PARP8: variants seen among roughly 807,000 people sequenced by gnomAD.
The protein encoded by PARP8 is protein mono-ADP-ribosyltransferase PARP8.
Under a neutral mutation model 124.1 loss-of-function variants are expected in PARP8, and 51 were observed. The observed-to-expected ratio is 0.41, with a 90% confidence interval of 0.33 to 0.52. PARP8 has a LOEUF of 0.52. Among genes scored for constraint, PARP8 ranks in the 20% least tolerant of loss-of-function variants. PARP8 has a pLI of 0.21. For synonymous variants in PARP8, 391 were observed against 361.5 expected, an observed-to-expected ratio of 1.08 and a Z score of -0.93; for missense variants, 860 against 1,018.9, an observed-to-expected ratio of 0.84 and a Z score of 2.12.
At chr5:50,770,999 T>C (rs1761568320) in intron 7 of PARP8, among the ~76,000 whole-genome samples, 2 of 152,004 alleles carry the variant, frequency 1.3e-5, no homozygotes, top group Middle Eastern at 3.2e-3. Context: ...TTTTAAAAAT[T>C]AATTCCTATG....
intron 25 of PARP8, among the ~76,000 whole-genome samples, chr5:50,836,585 G>T (rs1345114629): frequency 1.3e-5 from 2 of 152,094 alleles, no homozygotes; most frequent in Non-Finnish European, 2.9e-5. Context: ...AGCTTATTGA[G>T]AAAGTCCTTA....
chr5:50,699,835 C>T (rs1307606817), intron 2 of PARP8, among the ~76,000 whole-genome samples: 2 of 152,034 alleles, frequency 1.3e-5, no homozygotes, highest in African/African-American at 4.8e-5. Flanking sequence ...GTATCAGTAT[C>T]AAGTTGCTAG....
At chr5:50,716,674 A>G (rs1755351674) in intron 2 of PARP8, among the ~76,000 whole-genome samples, 1 of 152,082 alleles carries the variant, frequency 6.6e-6, no homozygotes. Context: ...TTAGTCCAAA[A>G]CAGTGGCCTG....
At chr5:50,835,371 T>A (rs1580511261) in intron 25 of PARP8, among the ~76,000 whole-genome samples, 1 of 151,910 alleles carries the variant, frequency 6.6e-6, no homozygotes, top group African/African-American at 2.4e-5. Context: ...GGTGAAACGC[T>A]ATCTCTACTA....
intron 2 of PARP8, among the ~76,000 whole-genome samples, chr5:50,709,955 T>TAATACAC: frequency 9.7e-6 from 1 of 103,324 alleles, no homozygotes; most frequent in East Asian, 3.1e-4. Flanking sequence ...TATATATATA[T>TAATACAC]ACACATACAT....
rs1758667851 is a variant in PARP8, at chr5:50,747,167, T to TTG, written c.147-2983_147-2982insGT. Among the ~76,000 whole-genome samples, 3 of 143,252 alleles carry TTG rather than the reference T, an allele frequency of 2.1e-5. 1 individual carries two copies. Among genetic ancestry groups the TTG allele is most frequent in the African/African-American group, 5.2e-5 (2 of 38,362 alleles). The allele number at this position is 143,252 out of a possible 152,430, so 94.0% of individuals were successfully genotyped here. On this transcript the variant is annotated intron_variant, in intron 2 of 25. Transcript: ENST00000281631. ...TTTTTTTTGTTTGTTTGTTTTGTTT[T>TTG]TTTTTTTTTTTTTGTCTCTTCCTAA...
chr5:50,844,896 AG>A lies in PARP8; in HGVS notation c.*2829del, dbSNP rs1748502595. The A allele has an allele frequency of 6.6e-6, 1 of 151,708 alleles. No homozygotes were observed. The highest frequency in any genetic ancestry group is 1.5e-5 in the Non-Finnish European group (1 of 67,756). The allele number at this position is 151,708 out of a possible 1,614,324, so 9.4% of individuals were successfully genotyped here. A position where few individuals can be genotyped will look rare whatever the true frequency, so the allele number is the denominator to read the frequency against. On this transcript the variant is annotated 3_prime_UTR_variant, in exon 26 of 26. Coordinates refer to ENST00000281631, the MANE Select transcript of PARP8 (RefSeq NM_024615.4). ...TAGTGCTATAAAATGCATTATAGTA[AG>A]ACACTTTTGGTGTCTTCGAGTGCAC...
intron 2 of PARP8, among the ~76,000 whole-genome samples, chr5:50,688,585 T>C (rs1752128670): frequency 6.6e-6 from 1 of 152,242 alleles, no homozygotes; most frequent in African/African-American, 2.4e-5. Context: ...ATTATTGATG[T>C]AGGTTTCAAA....
intron 25 of PARP8, among the ~76,000 whole-genome samples, chr5:50,840,397 T>G (rs1748052239): frequency 6.6e-6 from 1 of 151,782 alleles, no homozygotes; most frequent in Non-Finnish European, 1.5e-5. Flanking sequence ...AGCTTGGTGA[T>G]TAGTTGGGTT....
chr5:50,712,610 T>C (rs1381990477), intron 2 of PARP8, among the ~76,000 whole-genome samples: 2 of 152,166 alleles, frequency 1.3e-5, no homozygotes, highest in African/African-American at 4.8e-5. Context: ...GACCAGGCTC[T>C]GCAGGCCACC....
chr5:50,786,660 G>A (rs1258498203), intron 9 of PARP8, among the ~76,000 whole-genome samples: 1 of 151,906 alleles, frequency 6.6e-6, no homozygotes, highest in Non-Finnish European at 1.5e-5. Flanking sequence ...GAGCCACTGT[G>A]CCTGGCCTGA....
At position 50,835,003 on chromosome 5, in the gene PARP8, G is replaced by A; in HGVS notation, c.2450G>A (p.Arg817Gln). ...CCCAATACTGACCATGTCTGCACAC[G>A]ATTCTTTTTCGTGTAAGTGGAAATG... The part of the protein sequence containing the change: ...VVPNTDHVCT[R>Q]FFFVYEDGQV... The change falls in exon 25 of 26, where the codon CGA becomes CAA. Residue 817 changes from arginine to glutamine, a missense_variant. Arg to Gln is a conservative substitution (Grantham distance 43, BLOSUM62 1). Around this residue, in one of 2 missense-constraint regions of PARP8, gnomAD observed 343 missense variants for 474.7 expected, o/e 0.72. Coordinates refer to ENST00000281631, the MANE Select transcript of PARP8 (RefSeq NM_024615.4). 2 of 1,612,672 alleles carry A rather than the reference G, an allele frequency of 1.2e-6. No homozygotes were observed. The highest frequency in any genetic ancestry group is 1.7e-6 in the Non-Finnish European group (2 of 1,179,174).
chr5:50,682,860 A>C (rs1751443519), intron 2 of PARP8, among the ~76,000 whole-genome samples: 1 of 152,180 alleles, frequency 6.6e-6, no homozygotes, highest in Non-Finnish European at 1.5e-5. Context: ...ATGATCTCTT[A>C]TATACAAGTG....
chr5:50,828,694 A>G (rs910772194), intron 21 of PARP8, among the ~76,000 whole-genome samples: 2 of 151,816 alleles, frequency 1.3e-5, no homozygotes, highest in Non-Finnish European at 2.9e-5. Context: ...AGCCTGGCCA[A>G]CATGGCAAAA....
chr5:50,696,388 T>G (rs1753027543), intron 2 of PARP8, among the ~76,000 whole-genome samples: 1 of 152,170 alleles, frequency 6.6e-6, no homozygotes, highest in South Asian at 2.1e-4. Context: ...GGTACCATAG[T>G]TTATTGTGTG....
chr5:50,730,183 G>A (rs1756833754), intron 2 of PARP8, among the ~76,000 whole-genome samples: 1 of 151,962 alleles, frequency 6.6e-6, no homozygotes, highest in African/African-American at 2.4e-5. Context: ...AACAGGATTT[G>A]GTTTTGTCTA....
At chr5:50,784,089 A>G (rs1740974269) in intron 9 of PARP8, among the ~76,000 whole-genome samples, 1 of 152,180 alleles carries the variant, frequency 6.6e-6, no homozygotes, top group Non-Finnish European at 1.5e-5. Context: ...TTTGGAAGGT[A>G]TCAGCATTTA....
At chr5:50,738,728 A>G (rs2090135224) in intron 2 of PARP8, among the ~76,000 whole-genome samples, 1 of 151,848 alleles carries the variant, frequency 6.6e-6, no homozygotes, top group South Asian at 2.1e-4. Context: ...AAAAAAAAAA[A>G]AAAAGAAAAT....
chr5:50,829,383 G>A (rs1247289806), intron 21 of PARP8, among the ~76,000 whole-genome samples: 2 of 152,268 alleles, frequency 1.3e-5, no homozygotes, highest in African/African-American at 2.4e-5. Flanking sequence ...TACTAATAGT[G>A]TGTGAGGGCC....
Sources: allele counts gnomAD v4.1 joint callset (sites outside exome capture counted in the v4.1 genomes callset), GRCh38; gene constraint gnomAD v4.1.1; regional missense constraint gnomAD v4.1.1; transcripts MANE v1.5; gene names NCBI Gene and HGNC (gene_info 2026-07-23, HGNC 2026-07-21).